HHAT: variants seen among roughly 807,000 people sequenced by gnomAD.
HHAT encodes the protein hedgehog acyltransferase, also known as protein-cysteine N-palmitoyltransferase HHAT.
A neutral mutation model predicts 70.8 loss-of-function variants in HHAT; 47 were observed. That is an observed-to-expected ratio of 0.66 (90% CI 0.53 to 0.85). HHAT has a LOEUF of 0.85. Ranked by LOEUF, HHAT falls within the 40% of genes least tolerant of loss-of-function variation. The pLI, the probability that HHAT is intolerant of heterozygous loss-of-function variation, is 0.00. For synonymous variants in HHAT, 228 were observed against 247.6 expected (o/e 0.92, Z 0.74); for missense variants, 609 against 604.8 (o/e 1.01, Z -0.07).
At chr1:210,445,165 T>A (rs1221719158) in intron 7 of HHAT, among the ~76,000 whole-genome samples, 3 of 152,156 alleles carry the variant, frequency 2.0e-5, no homozygotes, top group Non-Finnish European at 2.9e-5. Context: ...CAAACAGTGG[T>A]CACTTGTTGA....
chr1:210,446,927 AC>A (rs2093646793), intron 7 of HHAT, among the ~76,000 whole-genome samples: 1 of 152,166 alleles, frequency 6.6e-6, no homozygotes, highest in South Asian at 2.1e-4. Context: ...GGACATAGGA[AC>A]CTTAGTGAAC....
At chr1:210,359,671 A>T (rs940398130) in intron 2 of HHAT, among the ~76,000 whole-genome samples, 5 of 152,148 alleles carry the variant, frequency 3.3e-5, no homozygotes, top group African/African-American at 1.2e-4. Flanking sequence ...CAGCCTGACC[A>T]ACATGGGGTT....
At chr1:210,614,657 C>T (rs186216113) in intron 10 of HHAT, among the ~76,000 whole-genome samples, 62 of 152,064 alleles carry the variant, frequency 4.1e-4, no homozygotes, top group African/African-American at 1.0e-3. Context: ...TGAGAACATG[C>T]GGTGTTTGGT....
chr1:210,634,110 G>T (rs1671407019), intron 11 of HHAT, among the ~76,000 whole-genome samples: 1 of 152,184 alleles, frequency 6.6e-6, no homozygotes, highest in Admixed American at 6.5e-5. Context: ...GTATTTCTTT[G>T]CTGTTAGAAA....
chr1:210,518,727 A>C (rs1382605649), intron 9 of HHAT, among the ~76,000 whole-genome samples: 1 of 152,172 alleles, frequency 6.6e-6, no homozygotes, highest in Non-Finnish European at 1.5e-5. Context: ...TGGGAGGCGG[A>C]GGTTGCAGTG....
intron 9 of HHAT, among the ~76,000 whole-genome samples, 167 bp downstream of exon 9, chr1:210,513,355 C>T (rs191737026): frequency 1.3e-5 from 2 of 152,186 alleles, no homozygotes; most frequent in East Asian, 1.9e-4. Flanking sequence ...CAGAATCACA[C>T]GATTAAACAA....
chr1:210,574,247 G>A (rs1376505459), intron 9 of HHAT, among the ~76,000 whole-genome samples: 3 of 152,198 alleles, frequency 2.0e-5, no homozygotes, highest in Non-Finnish European at 4.4e-5. Context: ...AACCCATTTT[G>A]AAAGATCAAA....
chr1:210,349,569 C>T (rs2086827569), intron 2 of HHAT, among the ~76,000 whole-genome samples: 1 of 151,856 alleles, frequency 6.6e-6, no homozygotes, highest in African/African-American at 2.4e-5. Flanking sequence ...TGCTCACACC[C>T]AACTGGCCAG....
At chr1:210,623,113 C>T (rs746341019) in intron 10 of HHAT, among the ~76,000 whole-genome samples, 6 of 152,204 alleles carry the variant, frequency 3.9e-5, no homozygotes, top group Non-Finnish European at 8.8e-5. Context: ...TTCTGTCACC[C>T]AGACTTGGAG....
chr1:210,656,659 G>A (rs1353031805), intron 11 of HHAT, among the ~76,000 whole-genome samples: 1 of 152,200 alleles, frequency 6.6e-6, no homozygotes, highest in East Asian at 1.9e-4. Flanking sequence ...ACGTGGGTTT[G>A]ATGGAGGAAG....
intron 6 of HHAT, among the ~76,000 whole-genome samples, chr1:210,410,700 AT>A (rs1309957788): frequency 1.3e-5 from 2 of 151,098 alleles, no homozygotes; most frequent in Non-Finnish European, 2.9e-5. Context: ...CTAATTTTGT[AT>A]TTTTAGTAGA....
chr1:210,412,284 AATGGCCTCCTTAC>A lies in HHAT; in HGVS notation c.685-5866_685-5854del, dbSNP rs1168925377. 3.9e-5 allele frequency among the ~76,000 whole-genome samples: 6 copies of A among 152,200 alleles called. No homozygotes were observed. In the East Asian group the frequency reaches 1.2e-3, roughly 29 times the overall value. On this transcript the variant is annotated intron_variant, in intron 6 of 11. Transcript: ENST00000261458. ...ATTTTGCCCCTGCCCCCTGAAAATT[AATGGCCTCCTTAC>A]ATGCAAAATACACTCATTCCATCCT... is the stretch of plus-strand genomic sequence containing the variant.
At chr1:210,327,426 G>C (rs114269771), upstream of HHAT, among the ~76,000 whole-genome samples, 1,662 of 150,644 alleles carry the variant, frequency 0.011, 21 homozygotes, top group Middle Eastern at 0.034. Context: ...CTTCCTGTAA[G>C]TACTTAAAAA....
intron 9 of HHAT, among the ~76,000 whole-genome samples, chr1:210,541,030 G>A (rs773504128): frequency 7.2e-5 from 11 of 152,026 alleles, no homozygotes; most frequent in Non-Finnish European, 1.2e-4. Flanking sequence ...TAGTAGAGAC[G>A]AGGTTTCACC....
chr1:210,631,256 C>G (rs1430389787), intron 11 of HHAT: 1 of 385,886 alleles, frequency 2.6e-6, no homozygotes, highest in Non-Finnish European at 5.1e-6. Context: ...CAGGCAACCA[C>G]TGTTTACACC....
Position 210,640,214 on chromosome 1 carries a change from C to T in HHAT, c.1390+16544C>T, listed in dbSNP as rs144288379. ...CGAAGGTGGCAAGAACTCAGCAGCC[C>T]TAGGCAACTCTCATATATCCAGTGA... is the stretch of plus-strand genomic sequence containing the variant. On this transcript the variant is annotated intron_variant, in intron 11 of 11. Transcript: ENST00000261458. 1.2e-3 allele frequency among the ~76,000 whole-genome samples: 186 copies of T among 152,274 alleles called. 1 individual carries two copies. The highest frequency in any genetic ancestry group is 4.4e-3 in the African/African-American group (182 of 41,552).
intron 9 of HHAT, among the ~76,000 whole-genome samples, chr1:210,553,589 C>G (rs924687471): frequency 2.0e-5 from 3 of 152,234 alleles, no homozygotes; most frequent in African/African-American, 7.2e-5. Context: ...GGTTTCAACC[C>G]TAGCCCTGCT....
chr1:210,475,936 A>G (rs1234801691), intron 8 of HHAT, among the ~76,000 whole-genome samples: 2 of 152,226 alleles, frequency 1.3e-5, no homozygotes, highest in African/African-American at 4.8e-5. Flanking sequence ...GGATTTAGAT[A>G]TTATCATCAA....
intron 9 of HHAT, among the ~76,000 whole-genome samples, chr1:210,540,437 T>TC (rs2095415780): frequency 1.8e-5 from 2 of 112,084 alleles, no homozygotes; most frequent in Non-Finnish European, 3.7e-5. Flanking sequence ...GGAGATTTTT[T>TC]CCCTCTTACA....
Sources: allele counts gnomAD v4.1 joint callset (sites outside exome capture counted in the v4.1 genomes callset), GRCh38; gene constraint gnomAD v4.1.1; transcripts MANE v1.5; gene names NCBI Gene and HGNC (gene_info 2026-07-23, HGNC 2026-07-21).